PRDM16: variants seen among roughly 807,000 people sequenced by gnomAD.
PRDM16 encodes PR/SET domain 16.
Under a neutral mutation model 110.6 loss-of-function variants are expected in PRDM16, and 23 were observed. The ratio of observed to expected loss-of-function variants is 0.21; its 90% CI spans 0.15 to 0.29. PRDM16 has a LOEUF of 0.29. PRDM16 is among the 10% of genes least tolerant of loss of function. The pLI is 1.00. For synonymous variants in PRDM16, 799 were observed against 781.8 expected (o/e 1.02, Z -0.37); for missense variants, 1,615 against 1,794.3 (o/e 0.90, Z 1.81).
chr1:3,193,642 A>T (rs1638376020), intron 2 of PRDM16, among the ~76,000 whole-genome samples: 3 of 152,136 alleles, frequency 2.0e-5, no homozygotes, highest in Admixed American at 6.5e-5. Flanking sequence ...ATATTCTGAG[A>T]AGTGCGCCCA....
At chr1:3,313,764 A>C (rs1206267704) in intron 3 of PRDM16, among the ~76,000 whole-genome samples, 2 of 152,202 alleles carry the variant, frequency 1.3e-5, no homozygotes, top group Admixed American at 1.3e-4. Context: ...CGAATGTGTG[A>C]AGGCATTAGC....
intron 3 of PRDM16, among the ~76,000 whole-genome samples, chr1:3,312,549 CCGGAT>C (rs1641487393): frequency 6.6e-6 from 1 of 152,214 alleles, no homozygotes; most frequent in South Asian, 2.1e-4. Context: ...AGGAGCCCAT[CCGGAT>C]CCGGGGCCGG....
intron 1 of PRDM16, among the ~76,000 whole-genome samples, chr1:3,070,317 G>T (rs1009406309): frequency 6.7e-6 from 1 of 148,362 alleles, no homozygotes; most frequent in African/African-American, 2.4e-5. Flanking sequence ...CCGCGCCCTC[G>T]CCCGCCACAG....
intron 3 of PRDM16, among the ~76,000 whole-genome samples, chr1:3,293,751 G>T (rs1178474731): frequency 1.3e-5 from 2 of 152,126 alleles, no homozygotes; most frequent in East Asian, 3.9e-4. Context: ...TGTGCAGGAT[G>T]CTCAGTGGTC....
intron 3 of PRDM16, among the ~76,000 whole-genome samples, chr1:3,283,226 C>T (rs1396770444): frequency 2.0e-5 from 3 of 152,184 alleles, no homozygotes; most frequent in Non-Finnish European, 4.4e-5. Context: ...GGCACAGCTG[C>T]CCATTAGAGG....
chr1:3,332,151 A>G (rs1301032495), intron 3 of PRDM16, among the ~76,000 whole-genome samples: 1 of 152,194 alleles, frequency 6.6e-6, no homozygotes, highest in African/African-American at 2.4e-5. Flanking sequence ...CGCATCTCCC[A>G]CTTTCCTGAC....
chr1:3,369,017 A>T (rs1167214564), intron 3 of PRDM16, among the ~76,000 whole-genome samples: 1 of 152,238 alleles, frequency 6.6e-6, no homozygotes, highest in Admixed American at 6.5e-5. Flanking sequence ...TAGATTTTTA[A>T]TAAACCATTT....
intron 2 of PRDM16, among the ~76,000 whole-genome samples, chr1:3,186,770 C>T (rs560627135): frequency 6.6e-6 from 1 of 152,326 alleles, no homozygotes; most frequent in African/African-American, 2.4e-5. Context: ...GGATCCCAGG[C>T]GCGAACACTG....
At chr1:3,257,791 C>T (rs946860509) in intron 3 of PRDM16, among the ~76,000 whole-genome samples, 7 of 152,172 alleles carry the variant, frequency 4.6e-5, no homozygotes, top group African/African-American at 1.7e-4. Flanking sequence ...AACCACACAT[C>T]GGAGCCCGCA....
intron 3 of PRDM16, among the ~76,000 whole-genome samples, chr1:3,293,116 C>G (rs972225102): frequency 6.6e-6 from 1 of 152,248 alleles, no homozygotes; most frequent in Non-Finnish European, 1.5e-5. Flanking sequence ...CTATATTCCA[C>G]CCCAGCTCCT....
At chr1:3,319,529 T>C (rs556406561) in intron 3 of PRDM16, among the ~76,000 whole-genome samples, 1 of 152,162 alleles carries the variant, frequency 6.6e-6, no homozygotes, top group African/African-American at 2.4e-5. Context: ...GGCCAGGGGA[T>C]TGAGAGGGGA....
At chr1:3,212,129 C>A (rs893281621) in intron 2 of PRDM16, among the ~76,000 whole-genome samples, 2 of 152,170 alleles carry the variant, frequency 1.3e-5, no homozygotes. Context: ...GTCAGGGCTG[C>A]GGAAGGACTG....
intron 1 of PRDM16, among the ~76,000 whole-genome samples, chr1:3,099,836 G>A (rs532645270): frequency 3.9e-5 from 6 of 152,226 alleles, no homozygotes; most frequent in Admixed American, 2.0e-4. Flanking sequence ...GTGAACCGTC[G>A]TGGGAGTGGG....
rs536854893 is a variant in PRDM16 at position 3,114,487 on chromosome 1, C to T, written c.37+45191C>T. The stretch of plus-strand genomic sequence containing the variant: ...CACACGCAGTGTAAACAGACACGCA[C>T]GCACGCACACACGCGCATGCACACA... On this transcript the variant is annotated intron_variant, in intron 1 of 16. Transcript: ENST00000270722. Among the ~76,000 whole-genome samples the T allele has an allele frequency of 3.0e-4, 45 of 149,494 alleles. No homozygotes were observed. The South Asian group carries it at 3.4e-3, about 11-fold the overall frequency.
At chr1:3,185,533 GGCCCAAGTGCAGGGATGTCCAGGCTGCA>G (rs1644257513) in intron 1 of PRDM16, among the ~76,000 whole-genome samples, 1 of 151,958 alleles carries the variant, frequency 6.6e-6, no homozygotes, top group Non-Finnish European at 1.5e-5. Flanking sequence ...TCCAGCCTGC[GGCCCAAGTGCAGGGATGTCCAGGCTGCA>G]GCCCAAGTGC....
In PRDM16 at chr1:3,314,108, A is replaced by C. The variant is rs1641541179; in HGVS notation, c.438+69971A>C. ...CGGGAACATAAAATGGACCCAAGTCACTGTCCCTTAAGGAGCGGACCGCCT... is the reference window on the plus strand; with the variant it reads ...CGGGAACATAAAATGGACCCAAGTCCCTGTCCCTTAAGGAGCGGACCGCCT... On this transcript the variant is annotated intron_variant, in intron 3 of 16. Transcript: ENST00000270722. 4.2e-5 allele frequency among the ~76,000 whole-genome samples: 6 copies of C among 141,538 alleles called. No individual in the cohort carries two copies. The Admixed American group carries it at 4.3e-4, about 10-fold the overall frequency. 92.9% of individuals were successfully genotyped at this position (141,538 alleles called of 152,430 possible). A position where few individuals can be genotyped will look rare whatever the true frequency, so the allele number is the denominator to read the frequency against.
intron 2 of PRDM16, among the ~76,000 whole-genome samples, chr1:3,194,801 A>C (rs1638423108): frequency 6.6e-6 from 1 of 151,826 alleles, no homozygotes; most frequent in Non-Finnish European, 1.5e-5. Flanking sequence ...TAAACGCCAA[A>C]ACTCGTTCCT....
chr1:3,092,738 G>A (rs1642306377), intron 1 of PRDM16, among the ~76,000 whole-genome samples: 1 of 152,180 alleles, frequency 6.6e-6, no homozygotes, highest in Admixed American at 6.5e-5. Context: ...GCCACAAGCT[G>A]GGGGCTGATG....
At chr1:3,331,353 G>T (rs1642038461) in intron 3 of PRDM16, among the ~76,000 whole-genome samples, 2 of 152,098 alleles carry the variant, frequency 1.3e-5, no homozygotes, top group South Asian at 4.1e-4. Context: ...TCATCCCCGA[G>T]TCCATTGATG....
Sources: allele counts gnomAD v4.1 joint callset (sites outside exome capture counted in the v4.1 genomes callset), GRCh38; gene constraint gnomAD v4.1.1; transcripts MANE v1.5; gene names NCBI Gene and HGNC (gene_info 2026-07-23, HGNC 2026-07-21).